PARD3: variants seen among roughly 807,000 people sequenced by gnomAD.
The protein encoded by PARD3 is par-3 family cell polarity regulator.
PARD3 carries 75 observed loss-of-function variants against 155.4 expected under a neutral mutation model. The observed-to-expected ratio is 0.48, with a 90% confidence interval of 0.40 to 0.58. The LOEUF is 0.58. Ranked by LOEUF, PARD3 falls within the 20% of genes least tolerant of loss-of-function variation. The pLI is 0.00. For missense variants in PARD3, 1,642 were observed against 1,721.7 expected (o/e 0.95, Z 0.82); for synonymous variants, 576 against 610.5 (o/e 0.94, Z 0.83).
At chr10:34,415,753 AC>A (rs1454325062) in intron 5 of PARD3, among the ~76,000 whole-genome samples, 3 of 151,446 alleles carry the variant, frequency 2.0e-5, no homozygotes, top group Non-Finnish European at 4.4e-5. Context: ...GTGGCATTGC[AC>A]CCCCAAATCT....
intron 22 of PARD3, among the ~76,000 whole-genome samples, chr10:34,206,031 C>T (rs1303120053): frequency 6.6e-6 from 1 of 152,158 alleles, no homozygotes; most frequent in Non-Finnish European, 1.5e-5. Flanking sequence ...TTGTCCCATA[C>T]AGCCAGAGAA....
At position 34,370,556 on chromosome 10, in the gene PARD3, T is replaced by C. The variant is rs537279088; in HGVS notation, c.1707+1942A>G. On this transcript the variant is annotated intron_variant, in intron 12 of 24. Transcript: ENST00000374788. The stretch of plus-strand genomic sequence containing the variant: ...TGCTAGGATTACAGGTGTGAGCCAC[T>C]GCACCTGGCCCTGACTACATGTTTC... Among the ~76,000 whole-genome samples, 3 of 152,264 alleles carry C rather than the reference T, an allele frequency of 2.0e-5. No individual in the cohort carries two copies. The East Asian group carries it at 5.8e-4, about 29-fold the overall frequency.
chr10:34,650,115 A>G (rs2092960943), intron 2 of PARD3, among the ~76,000 whole-genome samples: 2 of 152,192 alleles, frequency 1.3e-5, no homozygotes, highest in Admixed American at 6.5e-5. Flanking sequence ...TTTTTTAAAG[A>G]AGGATGACTC....
intron 5 of PARD3, among the ~76,000 whole-genome samples, chr10:34,422,026 G>C (rs2075340372): frequency 6.6e-6 from 1 of 152,094 alleles, no homozygotes; most frequent in Admixed American, 6.6e-5. Context: ...TCCAGGCAGA[G>C]GACCAGACCA....
intron 22 of PARD3, among the ~76,000 whole-genome samples, chr10:34,145,209 A>ATTT (rs1564429693): frequency 6.3e-5 from 4 of 63,720 alleles, no homozygotes; most frequent in African/African-American, 3.5e-4. Context: ...ATATATATAT[A>ATTT]TATATATATA....
chr10:34,664,579 G>A (rs906971758), intron 2 of PARD3, among the ~76,000 whole-genome samples: 8 of 151,736 alleles, frequency 5.3e-5, no homozygotes, highest in South Asian at 2.1e-4. Context: ...TCTGCCTCCC[G>A]GGTTCCAGAG....
rs934501406 is a variant in PARD3 at position 34,232,748 on chromosome 10, G to T, written c.3419+36909C>A. Among the ~76,000 whole-genome samples the T allele has an allele frequency of 2.0e-5, 3 of 152,146 alleles. No homozygotes were observed. The South Asian group carries it at 6.2e-4, about 32-fold the overall frequency. ...CAAAGTCTTGCTGTATTGCCCAAGC[G>T]GGAGTGCAATGGTGTGATCATAGCT... On this transcript the variant is annotated intron_variant, in intron 22 of 24. Coordinates refer to ENST00000374788, the MANE Select transcript of PARD3 (RefSeq NM_001184785.2).
In PARD3 at chr10:34,622,989, C is replaced by T. The variant is rs954565815; in HGVS notation, c.222+73329G>A. Among the ~76,000 whole-genome samples the T allele has an allele frequency of 2.0e-5, 3 of 151,790 alleles. No individual in the cohort carries two copies. In the East Asian group the frequency reaches 5.8e-4, roughly 29 times the overall value. On this transcript the variant is annotated intron_variant, in intron 2 of 24. Transcript: ENST00000374788. ...CTGACAAATGGACTGTGGTGTTTTC[C>T]TCTCCTGGCCCCTCAGCCATGTATA...
At chr10:34,592,268 CTA>C (rs2088776115) in intron 2 of PARD3, among the ~76,000 whole-genome samples, 1 of 152,166 alleles carries the variant, frequency 6.6e-6, no homozygotes, top group African/African-American at 2.4e-5. Context: ...GTAATAAATT[CTA>C]TGAGAACAGG....
At chr10:34,731,347 T>C (rs2094813462) in intron 1 of PARD3, among the ~76,000 whole-genome samples, 1 of 152,218 alleles carries the variant, frequency 6.6e-6, no homozygotes, top group South Asian at 2.1e-4. Context: ...TACCTCTTAG[T>C]CTTTTCAAGT....
At position 34,647,194 on chromosome 10, in the gene PARD3, A is replaced by G. The variant is rs143391893; in HGVS notation, c.222+49124T>C. ...ATCCATTATTCATCCCTTCCTGTGA[A>G]TAACCTCACAATGTTCATTATTTAT... On this transcript the variant is annotated intron_variant, in intron 2 of 24. Coordinates refer to ENST00000374788, the MANE Select transcript of PARD3 (RefSeq NM_001184785.2). Among the ~76,000 whole-genome samples the G allele has an allele frequency of 5.3e-4, 80 of 152,326 alleles. 2 individuals are homozygous for G. In the East Asian group the frequency reaches 0.015, roughly 28 times the overall value.
rs113908857 is a variant in PARD3, at chr10:34,770,336, T to G, written c.120+44540A>C. On this transcript the variant is annotated intron_variant, in intron 1 of 24. Coordinates refer to ENST00000374788, the MANE Select transcript of PARD3 (RefSeq NM_001184785.2). ...ACTGCTGATTAAAACTATCACTTTTTGCCTGGTATTCTAAGCATTCTTAAA... is the reference window on the plus strand; with the variant it reads ...ACTGCTGATTAAAACTATCACTTTTGGCCTGGTATTCTAAGCATTCTTAAA... Among the ~76,000 whole-genome samples the G allele has an allele frequency of 5.4e-3, 827 of 152,340 alleles. 8 individuals are homozygous for G. Among genetic ancestry groups the G allele is most frequent in the African/African-American group, 0.019 (786 of 41,568 alleles).
chr10:34,726,496 T>C (rs1266152935), intron 1 of PARD3, among the ~76,000 whole-genome samples: 1 of 148,700 alleles, frequency 6.7e-6, no homozygotes, highest in African/African-American at 2.6e-5. Context: ...TGAGGCAGAA[T>C]CGCTCGAGCC....
intron 7 of PARD3, among the ~76,000 whole-genome samples, chr10:34,387,410 C>G (rs932629092): frequency 1.3e-5 from 2 of 151,956 alleles, no homozygotes; most frequent in Non-Finnish European, 2.9e-5. Context: ...ACTTATAAAT[C>G]CTTTCACTTT....
intron 3 of PARD3, among the ~76,000 whole-genome samples, chr10:34,476,821 C>A (rs542543048): frequency 6.6e-6 from 1 of 152,310 alleles, no homozygotes; most frequent in Non-Finnish European, 1.5e-5. Context: ...ACAAGCAACA[C>A]AGAGTTCTAG....
At position 34,413,180 on chromosome 10, in the gene PARD3, C is replaced by CACACACACACAT. The variant is rs775445941; in HGVS notation, c.715-11264_715-11263insATGTGTGTGTGT. On this transcript the variant is annotated intron_variant, in intron 5 of 24. Transcript: ENST00000374788. ...ACACACACACACACACACACACACA[C>CACACACACACAT]ATATATATAAGACTTTGTAACTGAT... 3.9e-3 allele frequency among the ~76,000 whole-genome samples: 565 copies of CACACACACACAT among 145,176 alleles called. 3 individuals are homozygous for CACACACACACAT. The highest frequency in any genetic ancestry group is 6.9e-3 in the African/African-American group (273 of 39,606).
rs34806804 is a variant in PARD3 at position 34,701,333 on chromosome 10, A to ATGTTGTTGTTGTTGTTGT, written c.121-4932_121-4915dup. Among the ~76,000 whole-genome samples, 57 of 149,976 alleles carry ATGTTGTTGTTGTTGTTGT rather than the reference A, an allele frequency of 3.8e-4. 1 individual carries two copies. Among genetic ancestry groups the ATGTTGTTGTTGTTGTTGT allele is most frequent in the Middle Eastern group, 6.8e-3 (2 of 292 alleles). On this transcript the variant is annotated intron_variant, in intron 1 of 24. Coordinates refer to ENST00000374788, the MANE Select transcript of PARD3 (RefSeq NM_001184785.2). ...CACTGAAACCACAATACACGCGGGG[A>ATGTTGTTGTTGTTGTTGT]TGTTGTTGTTGTTGTTGTTGTTGTT... is the stretch of plus-strand genomic sequence containing the variant.
intron 23 of PARD3, 105 bp downstream of exon 23, chr10:34,131,358 G>T (rs2132774131): frequency 1.6e-6 from 2 of 1,234,518 alleles, no homozygotes; most frequent in African/African-American, 1.5e-5. Context: ...AAGGAATTTG[G>T]CTCCATCTTG....
At chr10:34,427,706 G>C (rs2075691697) in intron 5 of PARD3, among the ~76,000 whole-genome samples, 2 of 152,010 alleles carry the variant, frequency 1.3e-5, no homozygotes, top group Admixed American at 6.6e-5. Context: ...CCGCTCAGGG[G>C]GCATCACGGA....
Sources: allele counts gnomAD v4.1 joint callset (sites outside exome capture counted in the v4.1 genomes callset), GRCh38; gene constraint gnomAD v4.1.1; transcripts MANE v1.5; gene names NCBI Gene and HGNC (gene_info 2026-07-23, HGNC 2026-07-21).